TRAPPC9: variants seen among roughly 807,000 people sequenced by gnomAD.
TRAPPC9 encodes trafficking protein particle complex subunit 9.
In TRAPPC9, 83 loss-of-function variants were observed where a neutral mutation model predicts 124.0. The observed-to-expected ratio is 0.67, with a 90% CI of 0.56 to 0.80. The LOEUF (loss-of-function observed/expected upper bound fraction) is 0.80. Ranked by LOEUF, TRAPPC9 falls within the 30% of genes least tolerant of loss-of-function variation. TRAPPC9 has a pLI of 0.00. For missense variants in TRAPPC9, 1,302 were observed against 1,508.3 expected (o/e 0.86, Z 2.27); for synonymous variants, 638 against 617.5 (o/e 1.03, Z -0.49).
chr8:139,932,424 C>T (rs139837321), intron 19 of TRAPPC9: 121 of 457,836 alleles, frequency 2.6e-4, no homozygotes, highest in Middle Eastern at 6.5e-4. Context: ...TTCTTTCTCC[C>T]GTCATAAGTA....
Position 140,089,399 on chromosome 8 carries a change from C to G in TRAPPC9, c.2557-65320G>C, listed in dbSNP as rs79015330. 2.4e-4 allele frequency among the ~76,000 whole-genome samples: 37 copies of G among 152,282 alleles called. No homozygotes were observed. The East Asian group carries it at 7.1e-3, about 29-fold the overall frequency. The stretch of plus-strand genomic sequence containing the variant: ...ACCATAGGGTATATACACCATGGAC[C>G]AGGCAGCCCCCTGTAACCAGATGCA... On this transcript the variant is annotated intron_variant, in intron 17 of 22. Transcript: ENST00000438773.
At chr8:140,428,069 G>C (rs920813610) in intron 4 of TRAPPC9, among the ~76,000 whole-genome samples, 2 of 152,162 alleles carry the variant, frequency 1.3e-5, no homozygotes, top group African/African-American at 4.8e-5. Flanking sequence ...CAGACGTTCA[G>C]CTGCACAGAC....
intron 17 of TRAPPC9, among the ~76,000 whole-genome samples, chr8:140,218,261 C>T (rs943462295): frequency 7.2e-5 from 11 of 152,066 alleles, no homozygotes; most frequent in Non-Finnish European, 1.5e-4. Context: ...CTATCCCCAG[C>T]TCTGAAAGAA....
intron 21 of TRAPPC9, among the ~76,000 whole-genome samples, chr8:139,860,939 G>T (rs1042395343): frequency 6.6e-6 from 1 of 152,362 alleles, no homozygotes; most frequent in East Asian, 1.9e-4. Context: ...ACTACAGCCT[G>T]GAGAGCCTGG....
intron 19 of TRAPPC9, among the ~76,000 whole-genome samples, chr8:139,963,862 T>C (rs1835516349): frequency 6.6e-6 from 1 of 151,942 alleles, no homozygotes; most frequent in African/African-American, 2.4e-5. Flanking sequence ...TTAAAATGAC[T>C]GATGATAGGG....
intron 17 of TRAPPC9, among the ~76,000 whole-genome samples, chr8:140,200,378 CT>C (rs1337010998): frequency 6.6e-6 from 1 of 152,152 alleles, no homozygotes; most frequent in Non-Finnish European, 1.5e-5. Context: ...CTCCCAGCCC[CT>C]GCCTCCAGCC....
At chr8:139,807,594 C>T (rs185410573) in intron 21 of TRAPPC9, among the ~76,000 whole-genome samples, 25 of 152,298 alleles carry the variant, frequency 1.6e-4, no homozygotes, top group Non-Finnish European at 3.1e-4. Flanking sequence ...ACACAACCAC[C>T]GGCGGAGGCA....
chr8:140,146,961 G>A (rs912635878), intron 17 of TRAPPC9, among the ~76,000 whole-genome samples: 6 of 151,540 alleles, frequency 4.0e-5, no homozygotes, highest in Admixed American at 6.6e-5. Context: ...TGTTACCCAC[G>A]CACTCAATAA....
At chr8:140,081,588 C>T (rs952403144) in intron 17 of TRAPPC9, among the ~76,000 whole-genome samples, 5 of 152,126 alleles carry the variant, frequency 3.3e-5, no homozygotes. Flanking sequence ...TCAGGTGATC[C>T]GCCCACCTCA....
Position 140,037,207 on chromosome 8 carries a change from C to A in TRAPPC9, c.2557-13128G>T, listed in dbSNP as rs564961817. Among the ~76,000 whole-genome samples, 290 of 152,200 alleles carry A rather than the reference C, an allele frequency of 1.9e-3. 2 individuals carry two copies. The highest frequency in any genetic ancestry group is 6.4e-3 in the African/African-American group (266 of 41,514). On this transcript the variant is annotated intron_variant, in intron 17 of 22. Coordinates refer to ENST00000438773, the MANE Select transcript of TRAPPC9 (RefSeq NM_001160372.4). ...ACCCCATCGTCATTTCCTGCCCAGG[C>A]CCCTGAGCGAGTGATCTGATCTCTT...
At chr8:140,177,095 C>G (rs2062087670) in intron 17 of TRAPPC9, among the ~76,000 whole-genome samples, 4 of 152,116 alleles carry the variant, frequency 2.6e-5, no homozygotes. Flanking sequence ...CAAGGCTGAG[C>G]TTGCTTTTTT....
At chr8:139,970,890 C>A (rs553684999) in intron 19 of TRAPPC9, among the ~76,000 whole-genome samples, 3 of 152,228 alleles carry the variant, frequency 2.0e-5, no homozygotes, top group African/African-American at 7.2e-5. Context: ...GCTAGACAAC[C>A]TCTGCCCCCT....
intron 5 of TRAPPC9, among the ~76,000 whole-genome samples, chr8:140,419,657 A>AAGGAGATCACGAGGTC (rs980218860): frequency 6.6e-6 from 1 of 151,374 alleles, no homozygotes; most frequent in Admixed American, 6.6e-5. Context: ...AGGCCGAGGC[A>AAGGAGATCACGAGGTC]AGGAGATCAC....
At chr8:140,142,382 G>A (rs1333869268) in intron 17 of TRAPPC9, among the ~76,000 whole-genome samples, 1 of 152,266 alleles carries the variant, frequency 6.6e-6, no homozygotes, top group Non-Finnish European at 1.5e-5. Context: ...AGAAAGGGCA[G>A]CCATGTGCTG....
chr8:140,029,621 A>G (rs1310747659), intron 17 of TRAPPC9, among the ~76,000 whole-genome samples: 7 of 146,224 alleles, frequency 4.8e-5, no homozygotes, highest in Non-Finnish European at 9.1e-5. Flanking sequence ...AACTTTAAGT[A>G]TAATAATAAT....
intron 15 of TRAPPC9, chr8:140,262,871 C>T (rs1251936299): frequency 6.6e-6 from 1 of 152,232 alleles, no homozygotes; most frequent in African/African-American, 2.4e-5. Flanking sequence ...ATTAATTCTA[C>T]TTGAAGGGCT....
intron 20 of TRAPPC9, among the ~76,000 whole-genome samples, chr8:139,897,247 T>C (rs1830719736): frequency 6.6e-6 from 1 of 152,196 alleles, no homozygotes; most frequent in Non-Finnish European, 1.5e-5. Flanking sequence ...TTTGCTCACA[T>C]GCCCTGCTGG....
At chr8:140,210,076 G>A (rs187815372) in intron 17 of TRAPPC9, among the ~76,000 whole-genome samples, 9 of 152,316 alleles carry the variant, frequency 5.9e-5, no homozygotes, top group Admixed American at 3.3e-4. Context: ...AAATCTCCTC[G>A]GCGTCACATC....
chr8:140,163,025 A>G (rs2061776901), intron 17 of TRAPPC9, among the ~76,000 whole-genome samples: 1 of 152,216 alleles, frequency 6.6e-6, no homozygotes. Context: ...GGTAAATTTT[A>G]CATTATTTGT....
Sources: gnomAD v4.1 joint callset for allele counts (sites outside exome capture counted in the v4.1 genomes callset) on GRCh38, gnomAD v4.1.1 for gene constraint, MANE v1.5 for transcripts, NCBI Gene and HGNC (gene_info 2026-07-23, HGNC 2026-07-21) for gene names.